The following PSD2 variants were observed in gnomAD, a reference collection of about 807,000 sequenced individuals.
The protein encoded by PSD2 is PH and SEC7 domain-containing protein 2.
In PSD2, 38 loss-of-function variants were observed where a neutral mutation model predicts 69.8. That is an observed-to-expected ratio of 0.54 (90% CI 0.42 to 0.71). The LOEUF (loss-of-function observed/expected upper bound fraction) is 0.71. Among genes scored for constraint, PSD2 ranks in the 30% least tolerant of loss-of-function variants. The pLI, the probability that PSD2 is intolerant of heterozygous loss-of-function variation, is 0.00. For synonymous variants in PSD2, 412 were observed against 423.0 expected, an observed-to-expected ratio of 0.97 and a Z score of 0.32; for missense variants, 943 against 1,014.5, an observed-to-expected ratio of 0.93 and a Z score of 0.96.
upstream of PSD2, among the ~76,000 whole-genome samples, chr5:139,793,492 C>T (rs921124173): frequency 3.9e-5 from 6 of 152,220 alleles, no homozygotes; most frequent in African/African-American, 1.4e-4. Flanking sequence ...CCCGGGTCTC[C>T]TTGCCCCTGC....
At chr5:139,746,845 G>A in the PSD2 span, among the ~76,000 whole-genome samples, 1 of 152,188 alleles carries the variant, frequency 6.6e-6, no homozygotes, top group African/African-American at 2.4e-5. This position sits in a 1 kb window ranked among gnomAD's most constrained non-coding sequence, Gnocchi z 4.5. Flanking sequence ...CAGGGGCAGC[G>A]ACGCTCCCTC....
At chr5:139,788,840 G>T in the PSD2 span, among the ~76,000 whole-genome samples, 1 of 152,220 alleles carries the variant, frequency 6.6e-6, no homozygotes, top group Non-Finnish European at 1.5e-5. Flanking sequence ...CAGGCAGGTC[G>T]TAGAGCTTGG....
chr5:139,803,554 G>A (rs1476559469), intron 1 of PSD2, among the ~76,000 whole-genome samples: 2 of 152,212 alleles, frequency 1.3e-5, no homozygotes, highest in Admixed American at 6.5e-5. Flanking sequence ...AGATAGACAG[G>A]CAGTTTTCCT....
chr5:139,838,066 G>T (rs1349783445), intron 12 of PSD2, among the ~76,000 whole-genome samples: 2 of 152,250 alleles, frequency 1.3e-5, no homozygotes, highest in East Asian at 3.8e-4. Flanking sequence ...GTGCGCTGGA[G>T]TCTGCAATGT....
the PSD2 span, among the ~76,000 whole-genome samples, chr5:139,748,444 C>A: frequency 6.6e-6 from 1 of 152,244 alleles, no homozygotes. Flanking sequence ...ACACACCTGA[C>A]CGCAATGCTC....
At chr5:139,770,035 T>G in the PSD2 span, among the ~76,000 whole-genome samples, 2 of 152,206 alleles carry the variant, frequency 1.3e-5, no homozygotes, top group African/African-American at 4.8e-5. Context: ...CTGGGTGTCA[T>G]GCGGGCCGGC....
intron 1 of PSD2, among the ~76,000 whole-genome samples, chr5:139,807,669 T>A (rs181093183): frequency 1.4e-3 from 215 of 152,316 alleles, no homozygotes; most frequent in African/African-American, 5.0e-3. Flanking sequence ...GTCCCAGGTC[T>A]GCTGTTCTAC....
In PSD2 at chr5:139,821,967, G is replaced by A. The variant is rs777191708; in HGVS notation, c.1172G>A (p.Arg391Gln). The change falls in exon 6 of 15, where the codon CGG (arginine) becomes CAG (glutamine). Residue 391 changes from arginine to glutamine, a missense_variant. Coordinates refer to ENST00000274710, the MANE Select transcript of PSD2 (RefSeq NM_032289.4). Reference protein sequence around the residue: ...RERVLTHFSRRYCQCNPDDST... With the variant: ...RERVLTHFSRQYCQCNPDDST... ...CGGGTCCTCACACACTTCTCCCGCCGGTACTGCCAGTGCAACCCTGATGAC... is the reference window on the plus strand; with the variant it reads ...CGGGTCCTCACACACTTCTCCCGCCAGTACTGCCAGTGCAACCCTGATGAC... 11 of 1,609,628 alleles carry A rather than the reference G, an allele frequency of 6.8e-6. No individual in the cohort carries two copies. The highest frequency in any genetic ancestry group is 9.3e-6 in the Non-Finnish European group (11 of 1,177,636).
chr5:139,817,626 C>A, intron 5 of PSD2, 65 bp downstream of exon 5: 2 of 1,325,926 alleles, frequency 1.5e-6, no homozygotes, highest in South Asian at 1.2e-5. Flanking sequence ...ATTCTCATGT[C>A]AACTCTACCA....
intron 7 of PSD2, among the ~76,000 whole-genome samples, chr5:139,830,565 C>CCTTCCTTCCTTTCTTTCTTTCTTTCTTT (rs1554096354): frequency 3.3e-5 from 4 of 120,364 alleles, no homozygotes; most frequent in African/African-American, 1.5e-4. Flanking sequence ...TTCCTTCCTT[C>CCTTCCTTCCTTTCTTTCTTTCTTTCTTT]CTTTCTTTCT....
At chr5:139,789,442 G>T in the PSD2 span, among the ~76,000 whole-genome samples, 2 of 152,166 alleles carry the variant, frequency 1.3e-5, no homozygotes, top group Admixed American at 6.6e-5. Flanking sequence ...TGTGTGTTTC[G>T]AAGCCCTTCT....
chr5:139,817,468 A>G lies in PSD2; in HGVS notation c.1017-13A>G. 6.2e-7 allele frequency: 1 copy of G among 1,611,848 alleles called. No homozygotes were observed. The highest frequency in any genetic ancestry group is 8.5e-7 in the Non-Finnish European group (1 of 1,178,358). On this transcript the variant is annotated splice_polypyrimidine_tract_variant and intron_variant, in intron 4 of 14. Transcript: ENST00000274710. ...ACCCTGCTTCTAACAGACATCCCAT[A>G]CTCTCCTGGCAGCAACGAGTTTAGC...
chr5:139,817,615 G>C, intron 5 of PSD2, 54 bp downstream of exon 5: 1 of 1,405,402 alleles, frequency 7.1e-7, no homozygotes, highest in Non-Finnish European at 1.0e-6. Flanking sequence ...TGCACTTCTG[G>C]ATTCTCATGT....
At chr5:139,830,636 CTT>C (rs1491471511) in intron 7 of PSD2, among the ~76,000 whole-genome samples, 10 of 118,368 alleles carry the variant, frequency 8.4e-5, no homozygotes, top group African/African-American at 3.2e-4. Flanking sequence ...CTCTTTCTTT[CTT>C]TCTTTCTTTC....
chr5:139,766,896 C>T, the PSD2 span, among the ~76,000 whole-genome samples: 3,884 of 101,428 alleles, frequency 0.038, 453 homozygotes, highest in Non-Finnish European at 0.047. Context: ...TCCTTCTTTC[C>T]CTCTTTCCCT....
the PSD2 span, among the ~76,000 whole-genome samples, chr5:139,781,996 G>C: frequency 6.6e-6 from 1 of 152,256 alleles, no homozygotes; most frequent in African/African-American, 2.4e-5. Context: ...TTGCCTGCCT[G>C]GATTTACCTG....
the PSD2 span, among the ~76,000 whole-genome samples, chr5:139,784,447 T>C: frequency 6.6e-6 from 1 of 152,140 alleles, no homozygotes; most frequent in Admixed American, 6.5e-5. Flanking sequence ...ATGTCTCCAA[T>C]CTATCTCTAA....
the PSD2 span, among the ~76,000 whole-genome samples, chr5:139,778,007 C>T: frequency 6.6e-6 from 1 of 152,256 alleles, no homozygotes; most frequent in African/African-American, 2.4e-5. Flanking sequence ...GGGAACAAGG[C>T]AAACCCAGGC....
chr5:139,770,110 A>G, the PSD2 span, among the ~76,000 whole-genome samples: 2 of 152,206 alleles, frequency 1.3e-5, no homozygotes, highest in Admixed American at 1.3e-4. Context: ...TGACCCCACC[A>G]CATGTGGGGG....
Sources: gnomAD v4.1 joint callset for allele counts (sites outside exome capture counted in the v4.1 genomes callset) on GRCh38, gnomAD v4.1.1 for gene constraint, Gnocchi (gnomAD v3.1) non-coding constraint, MANE v1.5 for transcripts, NCBI Gene and HGNC (gene_info 2026-07-23, HGNC 2026-07-21) for gene names.